CFAP61: variants seen among roughly 807,000 people sequenced by gnomAD.
CFAP61 encodes cilia- and flagella-associated protein 61.
In CFAP61, 107 loss-of-function variants were observed where a neutral mutation model predicts 135.6. The observed-to-expected ratio is 0.79, with a 90% CI of 0.67 to 0.93. The LOEUF (loss-of-function observed/expected upper bound fraction) is 0.93. Among genes scored for constraint, CFAP61 ranks in the 40% least tolerant of loss-of-function variants. The probability of loss-of-function intolerance (pLI) is 0.00; values close to 1 mark genes in which losing one functional copy is unlikely to be tolerated. For synonymous variants in CFAP61, 575 were observed against 578.5 expected, an observed-to-expected ratio of 0.99 and a Z score of 0.09; for missense variants, 1,507 against 1,556.2, an observed-to-expected ratio of 0.97 and a Z score of 0.53.
intron 17 of CFAP61, among the ~76,000 whole-genome samples, chr20:20,216,074 A>G (rs934944159): frequency 6.6e-6 from 1 of 152,214 alleles, no homozygotes; most frequent in Non-Finnish European, 1.5e-5. Context: ...TGACGATTTT[A>G]TAGCCCCAGC....
intron 1 of CFAP61, among the ~76,000 whole-genome samples, chr20:20,054,170 A>G (rs1242124733): frequency 6.6e-6 from 1 of 151,504 alleles, no homozygotes; most frequent in Admixed American, 6.6e-5. Context: ...AGAATATACC[A>G]TCTCCTAGTT....
chr20:20,072,753 G>A (rs2045810966), intron 3 of CFAP61, among the ~76,000 whole-genome samples: 1 of 151,934 alleles, frequency 6.6e-6, no homozygotes, highest in South Asian at 2.1e-4. Flanking sequence ...TCTGAATTGA[G>A]GTGTTCCATA....
intron 10 of CFAP61, 85 bp from the exon 11 acceptor site, chr20:20,163,965 A>G: frequency 1.8e-6 from 2 of 1,137,840 alleles, no homozygotes; most frequent in Admixed American, 2.1e-5. Flanking sequence ...GAACGGTGTC[A>G]TGTAGAGATA....
chr20:20,306,516 A>T (rs1292598554), intron 25 of CFAP61, among the ~76,000 whole-genome samples: 1 of 152,228 alleles, frequency 6.6e-6, no homozygotes, highest in Non-Finnish European at 1.5e-5. Context: ...TGAAAGAAAC[A>T]TGAGTATCCC....
chr20:20,118,286 TTTCTTTCTTTCTTTC>T (rs1332802620), intron 8 of CFAP61, among the ~76,000 whole-genome samples: 100 of 140,742 alleles, frequency 7.1e-4, no homozygotes, highest in Admixed American at 1.3e-3. Context: ...TCTTTCTTTC[TTTCTTTCTTTCTTTC>T]TTTCTTTTCT....
At chr20:20,348,410 G>T (rs1487077216) in intron 26 of CFAP61, among the ~76,000 whole-genome samples, 1 of 152,104 alleles carries the variant, frequency 6.6e-6, no homozygotes, top group Non-Finnish European at 1.5e-5. Flanking sequence ...AGGGGAGGCT[G>T]GGTGCAGTGG....
intron 8 of CFAP61, among the ~76,000 whole-genome samples, chr20:20,111,412 G>A (rs911989487): frequency 2.6e-5 from 4 of 152,130 alleles, no homozygotes; most frequent in Admixed American, 6.5e-5. Context: ...TGGGCCTGCC[G>A]GGAAGTAGCC....
intron 9 of CFAP61, among the ~76,000 whole-genome samples, chr20:20,145,003 A>C (rs1009419912): frequency 6.6e-6 from 1 of 152,360 alleles, no homozygotes; most frequent in African/African-American, 2.4e-5. Flanking sequence ...GTGCATCACC[A>C]GCAGACCCAC....
At chr20:20,325,096 A>T (rs1421496281) in intron 25 of CFAP61, among the ~76,000 whole-genome samples, 1 of 151,934 alleles carries the variant, frequency 6.6e-6, no homozygotes, top group Admixed American at 6.6e-5. Context: ...ACAAAGCAAG[A>T]CCTCCTCTCT....
intron 8 of CFAP61, among the ~76,000 whole-genome samples, chr20:20,133,099 C>T (rs763186790): frequency 1.3e-5 from 2 of 152,084 alleles, no homozygotes; most frequent in Non-Finnish European, 2.9e-5. Context: ...CTTACTATCA[C>T]CAGTGATATG....
intron 25 of CFAP61, among the ~76,000 whole-genome samples, chr20:20,327,677 T>TC (rs1238393620): frequency 2.0e-5 from 3 of 146,800 alleles, no homozygotes; most frequent in Non-Finnish European, 4.4e-5. Context: ...ATCAAGATCT[T>TC]CCCCAAGAGG....
chr20:20,290,356 A>G lies in CFAP61; in HGVS notation c.3181A>G (p.Thr1061Ala). 6.2e-7 allele frequency: 1 copy of G among 1,613,028 alleles called. No individual in the cohort carries two copies. Among genetic ancestry groups the G allele is most frequent in the Non-Finnish European group, 8.5e-7 (1 of 1,179,018 alleles). The change falls in exon 24 of 27, where the codon ACT becomes GCT. Residue 1061 changes from threonine (T) to alanine (A), a missense_variant. Physicochemically the swap from Thr to Ala is moderately conservative, Grantham distance 58. Coordinates refer to ENST00000245957, the MANE Select transcript of CFAP61 (RefSeq NM_015585.4). ...YLHIAKPAIP[T>A]PLEVQMAQPN... is the part of the protein sequence containing the mutation. ...GCATATTGCCAAGCCTGCCATTCCA[A>G]CTCCCTTGGAGGTACAAATGGCACA...
chr20:20,342,274 T>G (rs768482940), intron 26 of CFAP61, among the ~76,000 whole-genome samples: 2 of 152,184 alleles, frequency 1.3e-5, no homozygotes, highest in Non-Finnish European at 2.9e-5. Context: ...TGCCAGCCAT[T>G]TGCGGAACAT....
intron 8 of CFAP61, among the ~76,000 whole-genome samples, chr20:20,100,825 T>G (rs899492193): frequency 4.6e-5 from 7 of 152,194 alleles, no homozygotes; most frequent in South Asian, 2.1e-4. Context: ...CTAGTATATC[T>G]CTAGCAAGAG....
intron 2 of CFAP61, among the ~76,000 whole-genome samples, chr20:20,057,308 G>A (rs1351818808): frequency 4.6e-5 from 7 of 152,086 alleles, no homozygotes; most frequent in South Asian, 2.1e-4. Flanking sequence ...AAATCAAAAA[G>A]GTTTCTCATG....
chr20:20,339,961 A>G (rs2058371837), intron 25 of CFAP61, among the ~76,000 whole-genome samples: 3 of 152,246 alleles, frequency 2.0e-5, no homozygotes, highest in Non-Finnish European at 2.9e-5. Context: ...TAGGAAGCCC[A>G]CAAGATCCGA....
At chr20:20,202,756 GC>G (rs998834644) in intron 17 of CFAP61, among the ~76,000 whole-genome samples, 2 of 150,240 alleles carry the variant, frequency 1.3e-5, no homozygotes, top group African/African-American at 2.4e-5. Context: ...ATCTCCCACC[GC>G]CCCCCCGCCA....
At chr20:20,170,578 A>G (rs970835021) in intron 13 of CFAP61, among the ~76,000 whole-genome samples, 33 of 152,216 alleles carry the variant, frequency 2.2e-4, no homozygotes, top group African/African-American at 8.0e-4. Context: ...AGTGCATTTC[A>G]TTGTATGTAA....
chr20:20,254,182 TCC>T lies in CFAP61; in HGVS notation c.2328+2420_2328+2421del, dbSNP rs1358168093. On this transcript the variant is annotated intron_variant, in intron 20 of 26. Coordinates refer to ENST00000245957, the MANE Select transcript of CFAP61 (RefSeq NM_015585.4). The stretch of plus-strand genomic sequence containing the variant: ...TCCCCTCCCCTCCCCTCCCCTCCCC[TCC>T]TCTCCTCTCCTCTCCTCTCCTCTCA... Among the ~76,000 whole-genome samples, 366 of 69,022 alleles carry T rather than the reference TCC, an allele frequency of 5.3e-3. 71 individuals carry two copies. The highest frequency in any genetic ancestry group is 0.018 in the African/African-American group (350 of 18,940). The allele number at this position is 69,022 out of a possible 152,430, so 45.3% of individuals were successfully genotyped here. A position where few individuals can be genotyped will look rare whatever the true frequency, so the allele number is the denominator to read the frequency against.
Sources: gnomAD v4.1 joint callset for allele counts (sites outside exome capture counted in the v4.1 genomes callset) on GRCh38, gnomAD v4.1.1 for gene constraint, MANE v1.5 for transcripts, NCBI Gene and HGNC (gene_info 2026-07-23, HGNC 2026-07-21) for gene names.